Variants in THRB observed in about 807,000 individuals in gnomAD.
The protein encoded by THRB is thyroid hormone receptor beta, also known as nuclear receptor subfamily 1 group A member 2.
Under a neutral mutation model 47.8 loss-of-function variants are expected in THRB, and 12 were observed. That is an observed-to-expected ratio of 0.25 (90% confidence interval 0.16 to 0.41). The LOEUF (loss-of-function observed/expected upper bound fraction) is 0.41, where lower values mean the gene tolerates loss of function less well. THRB is among the 10% of genes least tolerant of loss of function. The pLI is 1.00. For missense variants in THRB, 348 were observed against 589.2 expected (o/e 0.59, Z 4.24); for synonymous variants, 218 against 212.2 (o/e 1.03, Z -0.24).
At chr3:24,458,704 A>G (rs2073415615) in intron 1 of THRB, 2 of 152,274 alleles carry the variant, frequency 1.3e-5, no homozygotes, top group Admixed American at 6.5e-5. Flanking sequence ...TGAACATCCA[A>G]CTTAACTGAG....
At chr3:24,123,430 C>A (rs548556463) in intron 10 of THRB, among the ~76,000 whole-genome samples, 7 of 152,112 alleles carry the variant, frequency 4.6e-5, no homozygotes, top group Non-Finnish European at 1.0e-4. Flanking sequence ...GAAGGAGAAG[C>A]CTGACATAGC....
At chr3:24,320,908 T>C (rs1180738087) in intron 2 of THRB, among the ~76,000 whole-genome samples, 1 of 152,036 alleles carries the variant, frequency 6.6e-6, no homozygotes, top group African/African-American at 2.4e-5. Flanking sequence ...AATTAGACTG[T>C]GAAAGGAGGA....
At chr3:24,483,953 T>C (rs1294891944) in intron 1 of THRB, 1 of 152,228 alleles carries the variant, frequency 6.6e-6, no homozygotes, top group Non-Finnish European at 1.5e-5. Flanking sequence ...GATTATGTGT[T>C]TCTTCCAAGC....
At chr3:24,143,854 C>T in intron 7 of THRB, 148 bp from the exon 8 acceptor site, 2 of 753,686 alleles carry the variant, frequency 2.7e-6, no homozygotes, top group Non-Finnish European at 4.5e-6. Context: ...GACAGTTTCT[C>T]TCCTCACCAG....
At chr3:24,278,885 T>C (rs374330042) in intron 3 of THRB, among the ~76,000 whole-genome samples, 18 of 152,136 alleles carry the variant, frequency 1.2e-4, no homozygotes, top group East Asian at 7.7e-4. Flanking sequence ...TCACTCTGGG[T>C]CCAGGCTGGA....
At chr3:24,233,561 A>AAGAAAGAAAGAT (rs796563078) in intron 3 of THRB, among the ~76,000 whole-genome samples, 1 of 16,006 alleles carries the variant, frequency 6.2e-5, no homozygotes, top group Admixed American at 5.9e-4. Flanking sequence ...AAGAAAAAGG[A>AAGAAAGAAAGAT]AGAAAGAAAG....
At chr3:24,493,061 G>T (rs1698417397) in intron 1 of THRB, among the ~76,000 whole-genome samples, 2 of 152,140 alleles carry the variant, frequency 1.3e-5, no homozygotes, top group Admixed American at 1.3e-4. Context: ...CAATGTCTTT[G>T]TATAAAACAC....
intron 1 of THRB, among the ~76,000 whole-genome samples, chr3:24,474,009 A>AGATGAC (rs1464448744): frequency 6.6e-6 from 1 of 152,188 alleles, no homozygotes; most frequent in Non-Finnish European, 1.5e-5. Context: ...TACCTAATGT[A>AGATGAC]GATGACGGGT....
chr3:24,187,868 T>A (rs1054909961), intron 5 of THRB, among the ~76,000 whole-genome samples: 4 of 152,208 alleles, frequency 2.6e-5, no homozygotes, highest in Non-Finnish European at 4.4e-5. Flanking sequence ...ATGGTATTTA[T>A]AAGTTTCTTG....
intron 2 of THRB, among the ~76,000 whole-genome samples, chr3:24,314,918 CA>C (rs1228361962): frequency 6.6e-6 from 1 of 152,196 alleles, no homozygotes; most frequent in African/African-American, 2.4e-5. Context: ...TTTCCTTTTA[CA>C]ATTCTCCTTA....
chr3:24,118,591 T>A lies in THRB; in HGVS notation c.*4293A>T, dbSNP rs185772660. The A allele has an allele frequency of 1.3e-5, 2 of 152,634 alleles. No homozygotes were observed. Among genetic ancestry groups the A allele is most frequent in the Non-Finnish European group, 2.9e-5 (2 of 68,040 alleles). The allele number at this position is 152,634 out of a possible 1,614,324, so 9.5% of individuals were successfully genotyped here. On this transcript the variant is annotated 3_prime_UTR_variant, in exon 11 of 11. Transcript: ENST00000646209. ...TTTGGCTCTATGGTCAAATTAAAAA[T>A]GCCAAGTTAATAAGGGAGAACCAAA...
chr3:24,222,848 T>G (rs2047294107), intron 4 of THRB, among the ~76,000 whole-genome samples: 1 of 152,206 alleles, frequency 6.6e-6, no homozygotes. Context: ...AAACTATTCA[T>G]GGCAGCATTC....
At chr3:24,495,315 AG>A (rs1560332045), upstream of THRB, 1 of 153,592 alleles carries the variant, frequency 6.5e-6, no homozygotes, top group East Asian at 1.9e-4. Context: ...CGCCGCCGCC[AG>A]CCATCGCCAC....
intron 8 of THRB, among the ~76,000 whole-genome samples, chr3:24,134,133 C>T (rs971888556): frequency 3.3e-5 from 5 of 152,210 alleles, no homozygotes; most frequent in African/African-American, 1.2e-4. Context: ...AAGAACAATC[C>T]ATGGCCTTGT....
chr3:24,481,738 G>A (rs1038756236), intron 1 of THRB, among the ~76,000 whole-genome samples: 2 of 151,702 alleles, frequency 1.3e-5, no homozygotes, highest in South Asian at 4.2e-4. Flanking sequence ...CAGGATTTCA[G>A]GAGTTCCTTG....
intron 1 of THRB, among the ~76,000 whole-genome samples, chr3:24,343,905 ATATT>A (rs1367078011): frequency 1.4e-5 from 2 of 147,388 alleles, no homozygotes; most frequent in East Asian, 3.9e-4. Flanking sequence ...TGATATATAT[ATATT>A]TATTTATATA....
chr3:24,273,357 C>T (rs115195177), intron 3 of THRB, among the ~76,000 whole-genome samples: 5,302 of 152,240 alleles, frequency 0.035, 134 homozygotes, highest in Non-Finnish European at 0.054. Context: ...TACATTCTAA[C>T]AGGTGTCCAT....
intron 3 of THRB, among the ~76,000 whole-genome samples, chr3:24,249,546 C>CTGGGT: frequency 7.5e-6 from 1 of 133,410 alleles, no homozygotes; most frequent in African/African-American, 3.6e-5. Context: ...CTGCTTACCT[C>CTGGGT]TAACCCAGAA....
At chr3:24,385,404 C>G (rs965610391) in intron 1 of THRB, among the ~76,000 whole-genome samples, 10 of 150,198 alleles carry the variant, frequency 6.7e-5, no homozygotes, top group Admixed American at 1.3e-4. Flanking sequence ...CTGCAATTCA[C>G]ACACACATAC....
Sources: gnomAD v4.1 joint callset for allele counts (sites outside exome capture counted in the v4.1 genomes callset) on GRCh38, gnomAD v4.1.1 for gene constraint, MANE v1.5 for transcripts, NCBI Gene and HGNC (gene_info 2026-07-23, HGNC 2026-07-21) for gene names.